GRID2: variants seen among roughly 807,000 people sequenced by gnomAD.
GRID2 encodes glutamate ionotropic receptor delta type subunit 2, also known as glutamate receptor ionotropic, delta-2.
Under a neutral mutation model 114.8 loss-of-function variants are expected in GRID2, and 33 were observed. The ratio of observed to expected loss-of-function variants is 0.29; its 90% CI spans 0.22 to 0.38. GRID2 has a LOEUF of 0.38. GRID2 is among the 10% of genes least tolerant of loss of function. The pLI, the probability that GRID2 is intolerant of heterozygous loss-of-function variation, is 1.00. For synonymous variants in GRID2, 505 were observed against 449.9 expected, an observed-to-expected ratio of 1.12 and a Z score of -1.55; for missense variants, 1,184 against 1,257.7, an observed-to-expected ratio of 0.94 and a Z score of 0.89.
intron 4 of GRID2, among the ~76,000 whole-genome samples, chr4:93,121,024 A>G (rs746024939): frequency 1.3e-5 from 2 of 152,156 alleles, no homozygotes; most frequent in East Asian, 1.9e-4. Context: ...GCAGCAAACC[A>G]CCATGGCACA....
At chr4:93,746,926 AT>A (rs1382525833) in intron 14 of GRID2, among the ~76,000 whole-genome samples, 2 of 152,030 alleles carry the variant, frequency 1.3e-5, no homozygotes, top group African/African-American at 4.8e-5. Flanking sequence ...AATGTCACAG[AT>A]TTTTTACAGA....
At chr4:93,040,126 G>A (rs1725358895) in intron 2 of GRID2, among the ~76,000 whole-genome samples, 1 of 151,960 alleles carries the variant, frequency 6.6e-6, no homozygotes, top group Admixed American at 6.6e-5. Context: ...TAAAATTCAG[G>A]AAGATGTGTA....
chr4:92,730,188 A>G (rs1265457375), intron 2 of GRID2, among the ~76,000 whole-genome samples: 1 of 151,918 alleles, frequency 6.6e-6, no homozygotes, highest in East Asian at 1.9e-4. Flanking sequence ...TTGGGATAAT[A>G]TACTCCTCAA....
chr4:93,121,696 A>C (rs1733795928), intron 4 of GRID2, among the ~76,000 whole-genome samples: 1 of 152,188 alleles, frequency 6.6e-6, no homozygotes, highest in East Asian at 1.9e-4. Context: ...GGCATGTTAC[A>C]TATTAATGCT....
chr4:92,647,586 A>G (rs1458474327), intron 2 of GRID2, among the ~76,000 whole-genome samples: 1 of 149,572 alleles, frequency 6.7e-6, no homozygotes. Flanking sequence ...GTAAAGTGAC[A>G]TTGAAGATAA....
chr4:93,679,400 A>C (rs370664121), intron 14 of GRID2, among the ~76,000 whole-genome samples: 3,742 of 150,936 alleles, frequency 0.025, 128 homozygotes, highest in Non-Finnish European at 0.027. Context: ...ATACCCAGGA[A>C]TTGAACTCAG....
chr4:93,720,963 G>A (rs1729315087), intron 14 of GRID2, among the ~76,000 whole-genome samples: 1 of 152,122 alleles, frequency 6.6e-6, no homozygotes, highest in East Asian at 1.9e-4. Flanking sequence ...CAATTTATAG[G>A]ATGAACACAA....
intron 2 of GRID2, among the ~76,000 whole-genome samples, chr4:92,778,899 G>T (rs930056594): frequency 2.0e-5 from 3 of 151,896 alleles, no homozygotes; most frequent in African/African-American, 2.4e-5. Context: ...TTATATAAAA[G>T]AGCTTAATCC....
chr4:92,322,081 T>C (rs1041364079), intron 1 of GRID2, among the ~76,000 whole-genome samples: 2 of 152,164 alleles, frequency 1.3e-5, no homozygotes, highest in African/African-American at 4.8e-5. Context: ...GAAAGTGACA[T>C]GAGAAACATG....
rs571180671 is a variant in GRID2 at position 93,374,140 on chromosome 4, G to A, written c.1246-21467G>A. Among the ~76,000 whole-genome samples the A allele has an allele frequency of 1.2e-4, 18 of 152,264 alleles. No individual in the cohort carries two copies. In the South Asian group the frequency reaches 3.7e-3, roughly 32 times the overall value. ...TAACTCCAACAGATGTTGTCATGTA[G>A]ATGAAGAAAATTCATTTTAAATGAT... On this transcript the variant is annotated intron_variant, in intron 8 of 15. Coordinates refer to ENST00000282020, the MANE Select transcript of GRID2 (RefSeq NM_001510.4).
intron 11 of GRID2, among the ~76,000 whole-genome samples, chr4:93,483,158 T>C (rs1293941814): frequency 6.6e-6 from 1 of 151,938 alleles, no homozygotes; most frequent in African/African-American, 2.4e-5. Flanking sequence ...AATATCATCT[T>C]TCTTTGTTTT....
chr4:93,283,706 C>T (rs1461988884), intron 8 of GRID2, among the ~76,000 whole-genome samples: 3 of 152,044 alleles, frequency 2.0e-5, no homozygotes, highest in African/African-American at 7.2e-5. Context: ...TTCTGACTTT[C>T]CTGATTTATT....
intron 1 of GRID2, among the ~76,000 whole-genome samples, chr4:92,430,583 C>A (rs1200905978): frequency 6.6e-6 from 1 of 152,068 alleles, no homozygotes; most frequent in African/African-American, 2.4e-5. Flanking sequence ...ATAGCTTTAG[C>A]TATCCTGTGT....
intron 1 of GRID2, among the ~76,000 whole-genome samples, chr4:92,481,238 A>AT (rs1449588845): frequency 6.6e-6 from 1 of 152,064 alleles, no homozygotes; most frequent in Non-Finnish European, 1.5e-5. Flanking sequence ...TAGGCTTCTA[A>AT]TTTTTTCTGT....
chr4:93,331,319 C>T (rs1042906721), intron 8 of GRID2, among the ~76,000 whole-genome samples: 2 of 151,738 alleles, frequency 1.3e-5, no homozygotes, highest in African/African-American at 4.8e-5. Context: ...AAATTCTTCT[C>T]CCGTATATAG....
intron 13 of GRID2, among the ~76,000 whole-genome samples, chr4:93,581,769 C>G (rs1307323216): frequency 6.6e-6 from 1 of 152,082 alleles, no homozygotes. Context: ...TGATGGAGAA[C>G]TCTTTCTCTA....
intron 4 of GRID2, among the ~76,000 whole-genome samples, chr4:93,135,934 C>CTG (rs765070979): frequency 6.6e-6 from 1 of 152,144 alleles, no homozygotes; most frequent in African/African-American, 2.4e-5. Flanking sequence ...TTTTTATAAA[C>CTG]TGTGTGGTAT....
chr4:92,777,610 A>G (rs1738872403), intron 2 of GRID2, among the ~76,000 whole-genome samples: 1 of 152,002 alleles, frequency 6.6e-6, no homozygotes, highest in Non-Finnish European at 1.5e-5. Context: ...CAACGTGACT[A>G]TATTTAGAGA....
In GRID2 at chr4:93,158,213, G is replaced by A. The variant is rs537627478; in HGVS notation, c.735+47260G>A. ...TAATTTGTGTTCTCTGCTGCAATTCGTTATGCAGGAGCTAGGGAGGGATAG... is the reference window on the plus strand; with the variant it reads ...TAATTTGTGTTCTCTGCTGCAATTCATTATGCAGGAGCTAGGGAGGGATAG... On this transcript the variant is annotated intron_variant, in intron 4 of 15. Coordinates refer to ENST00000282020, the MANE Select transcript of GRID2 (RefSeq NM_001510.4). Among the ~76,000 whole-genome samples, 52 of 151,902 alleles carry A rather than the reference G, an allele frequency of 3.4e-4. No individual in the cohort carries two copies. In the South Asian group the frequency reaches 9.9e-3, roughly 29 times the overall value.
Sources: gnomAD v4.1 joint callset for allele counts (sites outside exome capture counted in the v4.1 genomes callset) on GRCh38, gnomAD v4.1.1 for gene constraint, MANE v1.5 for transcripts, NCBI Gene and HGNC (gene_info 2026-07-23, HGNC 2026-07-21) for gene names.